CACNA1D: variants seen among roughly 807,000 people sequenced by gnomAD.
The protein encoded by CACNA1D is voltage-dependent L-type calcium channel subunit alpha-1D.
CACNA1D carries 55 observed loss-of-function variants against 257.1 expected under a neutral mutation model. The ratio of observed to expected loss-of-function variants is 0.21; its 90% confidence interval spans 0.17 to 0.27. CACNA1D has a LOEUF of 0.27. Among genes scored for constraint, CACNA1D ranks in the 10% least tolerant of loss-of-function variants. The pLI is 1.00. For synonymous variants in CACNA1D, 980 were observed against 1,014.9 expected (o/e 0.97, Z 0.65); for missense variants, 1,876 against 2,784.0 (o/e 0.67, Z 7.34).
chr3:53,792,848 G>C (rs1015208888), intron 40 of CACNA1D, among the ~76,000 whole-genome samples: 11 of 152,180 alleles, frequency 7.2e-5, no homozygotes, highest in Admixed American at 2.6e-4. Flanking sequence ...TGGACCTGCT[G>C]TCCTCATTAT....
rs761193611 is a variant in CACNA1D, at chr3:53,802,144, T to C, written c.5409-3T>C. On this transcript the variant is annotated splice_polypyrimidine_tract_variant and splice_region_variant and intron_variant, in intron 42 of 47. Coordinates refer to ENST00000350061, the MANE Select transcript of CACNA1D (RefSeq NM_001128840.3). ...CTTCCCATGTTATGCCTTTCCTGGA[T>C]AGAACCCGCTATTATGAAACTTACA... 8 of 1,607,190 alleles carry C rather than the reference T, an allele frequency of 5.0e-6. No homozygotes were observed. Among genetic ancestry groups the C allele is most frequent in the Non-Finnish European group, 5.1e-6 (6 of 1,173,744 alleles).
intron 3 of CACNA1D, among the ~76,000 whole-genome samples, chr3:53,564,137 G>A (rs371888571): frequency 5.8e-4 from 88 of 152,062 alleles, no homozygotes; most frequent in African/African-American, 2.0e-3. Context: ...TGAAGTGTCC[G>A]TTGAGTCTTA....
At chr3:53,612,062 A>G (rs1352429640) in intron 3 of CACNA1D, among the ~76,000 whole-genome samples, 1 of 152,214 alleles carries the variant, frequency 6.6e-6, no homozygotes, top group African/African-American at 2.4e-5. Flanking sequence ...ATTTCATTTG[A>G]TTTAAAAAAA....
intron 39 of CACNA1D, among the ~76,000 whole-genome samples, chr3:53,783,973 C>A (rs2095439641): frequency 6.6e-6 from 1 of 152,154 alleles, no homozygotes; most frequent in Admixed American, 6.5e-5. Flanking sequence ...CTCAGGAAGC[C>A]CCTTTTAGCC....
intron 40 of CACNA1D, chr3:53,796,001 A>G: frequency 5.0e-6 from 1 of 199,144 alleles, no homozygotes; most frequent in Non-Finnish European, 1.1e-5. Flanking sequence ...ATGGACACAA[A>G]GGCTGCCATC....
intron 3 of CACNA1D, among the ~76,000 whole-genome samples, chr3:53,528,049 T>C (rs1167623654): frequency 6.6e-6 from 1 of 152,216 alleles, no homozygotes; most frequent in Admixed American, 6.5e-5. Flanking sequence ...AATATTGAAG[T>C]CAAATTTTGA....
intron 5 of CACNA1D, among the ~76,000 whole-genome samples, chr3:53,663,571 CT>C (rs1208301701): frequency 1.3e-5 from 2 of 152,138 alleles, no homozygotes; most frequent in Non-Finnish European, 2.9e-5. Context: ...TTCATGACCT[CT>C]TTTTCTGTCC....
chr3:53,735,705 C>T (rs150489223), intron 20 of CACNA1D, among the ~76,000 whole-genome samples: 7 of 152,348 alleles, frequency 4.6e-5, no homozygotes, highest in African/African-American at 1.7e-4. Context: ...GAATCATTAA[C>T]TTAGAACTTC....
chr3:53,574,001 T>A (rs1432787081), intron 3 of CACNA1D, among the ~76,000 whole-genome samples: 2 of 152,198 alleles, frequency 1.3e-5, no homozygotes, highest in Admixed American at 1.3e-4. Flanking sequence ...GCAAAGCAGT[T>A]GTACAGTGTC....
At chr3:53,550,104 C>T (rs1376011578) in intron 3 of CACNA1D, among the ~76,000 whole-genome samples, 1 of 152,094 alleles carries the variant, frequency 6.6e-6, no homozygotes, top group Non-Finnish European at 1.5e-5. Flanking sequence ...ATTGGCTCTC[C>T]CCACGTTGGC....
At position 53,723,337 on chromosome 3, in the gene CACNA1D, TCCTGTGGGG is replaced by T. The variant is rs758218950; in HGVS notation, c.1667-92_1667-84del. 48 of 879,198 alleles carry T rather than the reference TCCTGTGGGG, an allele frequency of 5.5e-5. No homozygotes were observed. Among genetic ancestry groups the T allele is most frequent in the African/African-American group, 9.8e-5 (6 of 60,936 alleles). The allele number at this position is 879,198 out of a possible 1,614,324, so 54.5% of individuals were successfully genotyped here. Reference sequence around the variant, plus strand: ...GAGAGAGACAAGGTATTGGCGTATTTCCTGTGGGGCCTGATAGGGAGGGAGGTGTGAGGG... The same window carrying T: ...GAGAGAGACAAGGTATTGGCGTATTTCCTGATAGGGAGGGAGGTGTGAGGG... On this transcript the variant is annotated intron_variant, in intron 12 of 47. Coordinates refer to ENST00000350061, the MANE Select transcript of CACNA1D (RefSeq NM_001128840.3). This position sits in a 1 kb window ranked among gnomAD's most constrained non-coding sequence, Gnocchi z 5.6.
intron 42 of CACNA1D, 145 bp downstream of exon 42, chr3:53,801,570 C>T (rs902014909): frequency 2.6e-5 from 27 of 1,030,216 alleles, no homozygotes; most frequent in Admixed American, 5.2e-5. Context: ...TCTGTGAGTG[C>T]CCCCCAGGTC....
At chr3:53,797,439 T>C (rs1197550928) in intron 40 of CACNA1D, among the ~76,000 whole-genome samples, 1 of 152,218 alleles carries the variant, frequency 6.6e-6, no homozygotes, top group Non-Finnish European at 1.5e-5. Flanking sequence ...ATAATCATGA[T>C]TTCTGACTCT....
At chr3:53,630,813 C>T (rs1383245741) in intron 3 of CACNA1D, among the ~76,000 whole-genome samples, 10 of 152,124 alleles carry the variant, frequency 6.6e-5, no homozygotes, top group Admixed American at 6.5e-4. Flanking sequence ...TTCCAGACTA[C>T]CACAATAAAG....
At chr3:53,554,101 G>C (rs1324492395) in intron 3 of CACNA1D, among the ~76,000 whole-genome samples, 3 of 151,576 alleles carry the variant, frequency 2.0e-5, no homozygotes, top group East Asian at 3.9e-4. Flanking sequence ...GAGGCTGAGG[G>C]AGGAGAATGG....
At chr3:53,750,350 T>G (rs1239621083) in intron 27 of CACNA1D, among the ~76,000 whole-genome samples, 2 of 151,982 alleles carry the variant, frequency 1.3e-5, no homozygotes, top group Non-Finnish European at 2.9e-5. Flanking sequence ...CCTGAAAGAG[T>G]CTACAAGATC....
Position 53,750,941 on chromosome 3 carries a change from C to T in CACNA1D, c.3517-808C>T, listed in dbSNP as rs567909419. 3.3e-5 allele frequency among the ~76,000 whole-genome samples: 5 copies of T among 152,324 alleles called. No homozygotes were observed. In the South Asian group the frequency reaches 1.0e-3, roughly 32 times the overall value. On this transcript the variant is annotated intron_variant, in intron 27 of 47. Coordinates refer to ENST00000350061, the MANE Select transcript of CACNA1D (RefSeq NM_001128840.3). ...ACTACCCAGAGTAAGTGAGAAAGTG[C>T]TCCAGCTGGGTCCCAACCTGTGTTC...
intron 11 of CACNA1D, among the ~76,000 whole-genome samples, chr3:53,720,839 T>A (rs183068758): frequency 1.2e-4 from 18 of 152,362 alleles, no homozygotes; most frequent in Admixed American, 4.6e-4. Flanking sequence ...AGTTTGGTAG[T>A]TCCTCATAAA....
chr3:53,615,505 C>T (rs151005837), intron 3 of CACNA1D, among the ~76,000 whole-genome samples: 3 of 152,300 alleles, frequency 2.0e-5, no homozygotes, highest in Non-Finnish European at 4.4e-5. Flanking sequence ...TGTTTAAATT[C>T]GGTGGAACCA....
Sources: gnomAD v4.1 joint callset for allele counts (sites outside exome capture counted in the v4.1 genomes callset) on GRCh38, gnomAD v4.1.1 for gene constraint, Gnocchi (gnomAD v3.1) non-coding constraint, MANE v1.5 for transcripts, NCBI Gene and HGNC (gene_info 2026-07-23, HGNC 2026-07-21) for gene names.